CFTR: variants seen among roughly 807,000 people sequenced by gnomAD.
CFTR encodes the protein cystic fibrosis transmembrane conductance regulator.
Under a neutral mutation model 171.6 loss-of-function variants are expected in CFTR, and 181 were observed. The observed-to-expected ratio is 1.05, with a 90% CI of 0.93 to 1.19. CFTR has a LOEUF of 1.19. CFTR is among the 50% of genes most tolerant of loss of function. The probability of loss-of-function intolerance (pLI) is 0.00; values close to 1 mark genes in which losing one functional copy is unlikely to be tolerated. For synonymous variants in CFTR, 583 were observed against 608.0 expected (o/e 0.96, Z 0.60); for missense variants, 1,968 against 1,734.7 (o/e 1.13, Z -2.39).
intron 11 of CFTR, among the ~76,000 whole-genome samples, chr7:117,586,052 TC>T (rs1189474684): frequency 6.6e-6 from 1 of 152,194 alleles, no homozygotes; most frequent in African/African-American, 2.4e-5. Context: ...ACTGAAATCT[TC>T]AGCCTCACTA....
At chr7:117,650,477 CAT>C in intron 23 of CFTR, among the ~76,000 whole-genome samples, 1 of 152,104 alleles carries the variant, frequency 6.6e-6, no homozygotes, top group East Asian at 1.9e-4. Context: ...TGTTTGTAGA[CAT>C]ACCTTCCAGG....
intron 1 of CFTR, among the ~76,000 whole-genome samples, chr7:117,489,642 C>G (rs928322777): frequency 2.6e-5 from 4 of 151,826 alleles, no homozygotes; most frequent in Non-Finnish European, 5.9e-5. Flanking sequence ...CTCACTAATG[C>G]AGTGCAGAGA....
At position 117,603,593 on chromosome 7, in the gene CFTR, A is replaced by G. The variant is rs397508423; in HGVS notation, c.2719A>G (p.Ile907Val). 1 of 1,614,022 alleles carries G rather than the reference A, an allele frequency of 6.2e-7. No individual in the cohort carries two copies. The highest frequency in any genetic ancestry group is 1.1e-5 in the South Asian group (1 of 91,090). Reference sequence around the variant, plus strand: ...TAGAAATAACAGCTATGCAGTGATTATCACCAGCACCAGTTCGTATTATGT... The same window carrying G: ...TAGAAATAACAGCTATGCAGTGATTGTCACCAGCACCAGTTCGTATTATGT... Reference protein sequence around the residue: ...HSRNNSYAVIITSTSSYYVFY... With the variant: ...HSRNNSYAVIVTSTSSYYVFY... The change falls in exon 17 of 27, where the codon ATC becomes GTC. Residue 907 changes from isoleucine (I) to valine (V), a missense_variant. Physicochemically the swap from Ile to Val is conservative, Grantham distance 29. Coordinates refer to ENST00000003084, the MANE Select transcript of CFTR (RefSeq NM_000492.4).
intron 22 of CFTR, among the ~76,000 whole-genome samples, chr7:117,633,566 C>T (rs1226023688): frequency 1.3e-5 from 2 of 151,438 alleles, no homozygotes; most frequent in African/African-American, 4.8e-5. Flanking sequence ...ATATCTTGGT[C>T]TTGTTCTTGA....
At chr7:117,553,757 G>C (rs1485143039) in intron 10 of CFTR, among the ~76,000 whole-genome samples, 1 of 152,094 alleles carries the variant, frequency 6.6e-6, no homozygotes, top group Non-Finnish European at 1.5e-5. Context: ...TTAGGAAAAT[G>C]TACAAAGGAT....
chr7:117,545,984 A>AATTTT (rs58438996), intron 9 of CFTR, among the ~76,000 whole-genome samples: 34,811 of 148,424 alleles, frequency 0.23, 4,434 homozygotes, highest in East Asian at 0.4. Context: ...ATGCCTAGCT[A>AATTTT]ATTTTATTTT....
intron 2 of CFTR, among the ~76,000 whole-genome samples, chr7:117,507,130 T>C (rs1194454547): frequency 6.6e-6 from 1 of 152,218 alleles, no homozygotes; most frequent in African/African-American, 2.4e-5. Flanking sequence ...TAAAACTTCT[T>C]CCCTTCTGAT....
In CFTR at chr7:117,661,983, GAAAAAAA is replaced by G. The variant is rs57319132; in HGVS notation, c.3964-2688_3964-2682del. Reference sequence around the variant, plus strand: ...CCTTTTCTTGCTGGTTAATTTTACTGAAAAAAAAAAAAAAAAAAAAAAACCCTCAAAT... The same window carrying G: ...CCTTTTCTTGCTGGTTAATTTTACTGAAAAAAAAAAAAAAAACCCTCAAAT... On this transcript the variant is annotated intron_variant, in intron 24 of 26. Transcript: ENST00000003084. Among the ~76,000 whole-genome samples, 12 of 87,540 alleles carry G rather than the reference GAAAAAAA, an allele frequency of 1.4e-4. No homozygotes were observed. The East Asian group carries it at 3.1e-3, about 22-fold the overall frequency. The allele number at this position is 87,540 out of a possible 152,430, so 57.4% of individuals were successfully genotyped here.
intron 22 of CFTR, among the ~76,000 whole-genome samples, chr7:117,634,796 A>G (rs1355251157): frequency 6.6e-6 from 1 of 152,004 alleles, no homozygotes; most frequent in East Asian, 1.9e-4. Context: ...GTTTAATTCC[A>G]TTGTGGTCTG....
intron 4 of CFTR, among the ~76,000 whole-genome samples, chr7:117,531,581 G>A (rs1004753485): frequency 1.3e-5 from 2 of 152,064 alleles, no homozygotes; most frequent in Non-Finnish European, 2.9e-5. Context: ...CTTATTTTGA[G>A]TTGGATTTTT....
chr7:117,531,018 T>C lies in CFTR; in HGVS notation c.393T>C (p.Phe131=), dbSNP rs1039221071. 9.9e-6 allele frequency: 16 copies of C among 1,613,692 alleles called. No homozygotes were observed. Among genetic ancestry groups the C allele is most frequent in the African/African-American group, 2.7e-5 (2 of 74,924 alleles). Residue 131 remains phenylalanine (F), a synonymous_variant, in exon 4 of 27, where the codon TTT becomes TTC. Coordinates refer to ENST00000003084, the MANE Select transcript of CFTR (RefSeq NM_000492.4). ...TAGGCATAGGCTTATGCCTTCTCTT[T>C]ATTGTGAGGACACTGCTCCTACACC... ...IYLGIGLCLL[F]IVRTLLLHPA...
rs1800120 is a variant in CFTR at position 117,627,538 on chromosome 7, G to A, written c.3485G>A (p.Arg1162Gln). The change falls in exon 22 of 27, where the codon CGA becomes CAA. Residue 1162 changes from arginine (R) to glutamine (Q), a missense_variant. By Grantham distance (43) the Arg-to-Gln change is conservative. Transcript: ENST00000003084. Reference sequence around the variant, plus strand: ...TTATTTCAGATGCGATCTGTGAGCCGAGTCTTTAAGTTCATTGACATGCCA... The same window carrying A: ...TTATTTCAGATGCGATCTGTGAGCCAAGTCTTTAAGTTCATTGACATGCCA... ...DVDSLMRSVS[R>Q]VFKFIDMPTE... is the part of the protein sequence containing the mutation. 81 of 1,613,030 alleles carry A rather than the reference G, an allele frequency of 5.0e-5. No individual in the cohort carries two copies. In the Middle Eastern group the frequency reaches 8.2e-4, roughly 16 times the overall value.
intron 21 of CFTR, among the ~76,000 whole-genome samples, chr7:117,626,004 G>T (rs1033164556): frequency 6.6e-6 from 1 of 152,076 alleles, no homozygotes; most frequent in Non-Finnish European, 1.5e-5. Context: ...CATTATTTAG[G>T]TTGTGGGCTT....
chr7:117,544,762 C>G (rs1455923511), intron 9 of CFTR, among the ~76,000 whole-genome samples: 1 of 152,218 alleles, frequency 6.6e-6, no homozygotes, highest in Non-Finnish European at 1.5e-5. Flanking sequence ...CACTCTTCTT[C>G]CCTTTGCTGT....
intron 23 of CFTR, among the ~76,000 whole-genome samples, chr7:117,652,252 T>C (rs2073990712): frequency 6.6e-6 from 1 of 152,194 alleles, no homozygotes; most frequent in East Asian, 1.9e-4. Flanking sequence ...TTATTTGACT[T>C]CTGCTCTTCC....
chr7:117,608,223 G>A (rs1481055205), intron 18 of CFTR, among the ~76,000 whole-genome samples: 1 of 150,776 alleles, frequency 6.6e-6, no homozygotes. Context: ...TTTTTTAATT[G>A]GGATGGAGTC....
intron 22 of CFTR, among the ~76,000 whole-genome samples, chr7:117,629,760 A>G (rs767721030): frequency 2.0e-5 from 3 of 152,174 alleles, no homozygotes; most frequent in Non-Finnish European, 4.4e-5. Context: ...ATGACTTCCT[A>G]TAATTTTTGT....
chr7:117,617,006 T>G lies in CFTR; in HGVS notation c.3468+2293T>G, dbSNP rs145224087. On this transcript the variant is annotated intron_variant, in intron 21 of 26. Coordinates refer to ENST00000003084, the MANE Select transcript of CFTR (RefSeq NM_000492.4). ...AAATAGATAGGACTATGCCCTCAAA[T>G]TTTACGTTTATATGATGTTAATCCT... Among the ~76,000 whole-genome samples, 4 of 152,286 alleles carry G rather than the reference T, an allele frequency of 2.6e-5. No homozygotes were observed. The East Asian group carries it at 7.7e-4, about 29-fold the overall frequency.
intron 23 of CFTR, among the ~76,000 whole-genome samples, chr7:117,650,044 G>A (rs1362916139): frequency 6.6e-6 from 1 of 151,978 alleles, no homozygotes; most frequent in East Asian, 1.9e-4. Flanking sequence ...GAATGGAGAA[G>A]GGCACTAAAT....
Sources: gnomAD v4.1 joint callset for allele counts (sites outside exome capture counted in the v4.1 genomes callset) on GRCh38, gnomAD v4.1.1 for gene constraint, MANE v1.5 for transcripts, NCBI Gene and HGNC (gene_info 2026-07-23, HGNC 2026-07-21) for gene names.